Variants in GPHN observed in about 807,000 individuals in gnomAD.
GPHN encodes gephyrin.
A neutral mutation model predicts 95.5 loss-of-function variants in GPHN; 17 were observed. The ratio of observed to expected loss-of-function variants is 0.18; its 90% CI spans 0.12 to 0.27. GPHN has a LOEUF of 0.27. GPHN is among the 10% of genes least tolerant of loss of function. The pLI is 1.00. For synonymous variants in GPHN, 320 were observed against 322.5 expected (o/e 0.99, Z 0.08); for missense variants, 660 against 978.1 (o/e 0.67, Z 4.34).
chr14:67,260,644 TGAA>T, the GPHN span, among the ~76,000 whole-genome samples: 1 of 152,090 alleles, frequency 6.6e-6, no homozygotes, highest in Non-Finnish European at 1.5e-5. Context: ...GATAAAAAGT[TGAA>T]GAGAGGATTT....
the GPHN span, among the ~76,000 whole-genome samples, chr14:67,357,356 C>T: frequency 2.0e-5 from 3 of 152,228 alleles, no homozygotes; most frequent in African/African-American, 7.2e-5. Context: ...GATGACTTTT[C>T]TTCCAGCTGA....
At chr14:66,831,572 A>G (rs1293806884) in intron 4 of GPHN, among the ~76,000 whole-genome samples, 2 of 152,182 alleles carry the variant, frequency 1.3e-5, no homozygotes, top group Non-Finnish European at 2.9e-5. Context: ...GGTATAGTGG[A>G]AAAAGCTTAC....
At chr14:66,664,263 A>C (rs1332328071) in intron 1 of GPHN, among the ~76,000 whole-genome samples, 1 of 152,202 alleles carries the variant, frequency 6.6e-6, no homozygotes, top group Non-Finnish European at 1.5e-5. Context: ...ATACAAAAGA[A>C]CTGAAATCAT....
chr14:67,281,078 T>A, the GPHN span, among the ~76,000 whole-genome samples: 1 of 152,012 alleles, frequency 6.6e-6, no homozygotes, highest in East Asian at 1.9e-4. Flanking sequence ...TTTGTATTTT[T>A]AGTAGAGACC....
chr14:67,433,100 T>C, the GPHN span, among the ~76,000 whole-genome samples: 4,427 of 152,290 alleles, frequency 0.029, 88 homozygotes, highest in Non-Finnish European at 0.041. Flanking sequence ...ACATTCTGAC[T>C]CTTCCTTAAC....
the GPHN span, chr14:67,347,423 T>C: frequency 2.5e-6 from 4 of 1,607,726 alleles, no homozygotes; most frequent in Non-Finnish European, 2.6e-6. Context: ...AGTTCCTTCA[T>C]GGTAATGTTC....
intron 13 of GPHN, among the ~76,000 whole-genome samples, chr14:67,103,187 G>T (rs142986980): frequency 6.6e-6 from 1 of 152,038 alleles, no homozygotes; most frequent in Non-Finnish European, 1.5e-5. Context: ...CTCCAACCAC[G>T]CTGGGTTCTC....
chr14:67,577,631 A>G, the GPHN span, among the ~76,000 whole-genome samples: 1,727 of 152,314 alleles, frequency 0.011, 25 homozygotes, highest in Non-Finnish European at 0.016. Flanking sequence ...GGAAATGCCA[A>G]TGAAAACTCT....
chr14:66,638,714 G>A lies in GPHN; in HGVS notation c.65-42393G>A, dbSNP rs148122502. 5.3e-5 allele frequency among the ~76,000 whole-genome samples: 8 copies of A among 151,436 alleles called. No individual in the cohort carries two copies. The East Asian group carries it at 1.2e-3, about 22-fold the overall frequency. On this transcript the variant is annotated intron_variant, in intron 1 of 22. Coordinates refer to ENST00000478722, the MANE Select transcript of GPHN (RefSeq NM_020806.5). Reference sequence around the variant, plus strand: ...TTTTCAAACTTTTTTTTTGCTTGGGGGTAAATTTTCCCTTTAATTCTTCTT... The same window carrying A: ...TTTTCAAACTTTTTTTTTGCTTGGGAGTAAATTTTCCCTTTAATTCTTCTT...
the GPHN span, among the ~76,000 whole-genome samples, chr14:67,426,916 G>C: frequency 6.6e-6 from 1 of 152,102 alleles, no homozygotes; most frequent in South Asian, 2.1e-4. Flanking sequence ...GATTCCTAGG[G>C]CTTATAGCTC....
At chr14:67,115,110 T>C (rs1292307748) in intron 16 of GPHN, among the ~76,000 whole-genome samples, 1 of 152,204 alleles carries the variant, frequency 6.6e-6, no homozygotes, top group Non-Finnish European at 1.5e-5. Context: ...TCTGGTTCCA[T>C]ATAGCTCAAC....
intron 6 of GPHN, among the ~76,000 whole-genome samples, chr14:66,918,619 A>C (rs2066039915): frequency 6.6e-6 from 1 of 152,138 alleles, no homozygotes; most frequent in African/African-American, 2.4e-5. Context: ...AGGGTAGCCT[A>C]TACCTGTCTG....
the GPHN span, among the ~76,000 whole-genome samples, chr14:67,711,858 A>G: frequency 1.8e-3 from 276 of 152,356 alleles, 2 homozygotes; most frequent in Admixed American, 4.4e-3. Flanking sequence ...CAAATCAAAC[A>G]CAAAATTACA....
intron 2 of GPHN, among the ~76,000 whole-genome samples, chr14:66,710,335 T>A (rs2069498062): frequency 6.6e-6 from 1 of 152,168 alleles, no homozygotes; most frequent in Admixed American, 6.6e-5. Context: ...AGGCGTGGAA[T>A]CTGAGAATTC....
the GPHN span, among the ~76,000 whole-genome samples, chr14:67,710,352 A>G: frequency 9.2e-5 from 14 of 152,300 alleles, no homozygotes; most frequent in Middle Eastern, 3.4e-3. Flanking sequence ...TTTTTTTCCT[A>G]AGCAAACCAA....
chr14:66,548,130 A>G (rs999744618), intron 1 of GPHN, among the ~76,000 whole-genome samples: 1 of 145,814 alleles, frequency 6.9e-6, no homozygotes, highest in Non-Finnish European at 1.5e-5. Flanking sequence ...TCATTATCAT[A>G]TCTGTTATGG....
intron 10 of GPHN, among the ~76,000 whole-genome samples, chr14:67,041,713 A>G (rs1173617898): frequency 6.6e-6 from 1 of 152,214 alleles, no homozygotes; most frequent in Non-Finnish European, 1.5e-5. Context: ...AATGATTTAT[A>G]ATCCTTTGGA....
the GPHN span, among the ~76,000 whole-genome samples, chr14:67,396,952 T>G: frequency 6.6e-6 from 1 of 152,096 alleles, no homozygotes; most frequent in Non-Finnish European, 1.5e-5. Context: ...GACTTTTTTT[T>G]TTTTTTTGAG....
At chr14:67,573,263 T>C in the GPHN span, 8 of 1,561,424 alleles carry the variant, frequency 5.1e-6, no homozygotes, top group Non-Finnish European at 5.3e-6. This position sits in a 1 kb window ranked among gnomAD's most constrained non-coding sequence, Gnocchi z 4.8. Flanking sequence ...ATCTACACCC[T>C]TCCACCCCTC....
Sources: gnomAD v4.1 joint callset for allele counts (sites outside exome capture counted in the v4.1 genomes callset) on GRCh38, gnomAD v4.1.1 for gene constraint, Gnocchi (gnomAD v3.1) non-coding constraint, MANE v1.5 for transcripts, NCBI Gene and HGNC (gene_info 2026-07-23, HGNC 2026-07-21) for gene names.